The following MAPK6 variants were observed in gnomAD, a reference collection of about 807,000 sequenced individuals.
MAPK6 encodes the protein ERK-3.
In MAPK6, 19 loss-of-function variants were observed where a neutral mutation model predicts 59.3. That is an observed-to-expected ratio of 0.32 (90% CI 0.22 to 0.47). The LOEUF (loss-of-function observed/expected upper bound fraction) is 0.47, where lower values mean the gene tolerates loss of function less well. Ranked by LOEUF, MAPK6 falls within the 20% of genes least tolerant of loss-of-function variation. The pLI, the probability that MAPK6 is intolerant of heterozygous loss-of-function variation, is 1.00. For missense variants in MAPK6, 724 were observed against 847.9 expected (o/e 0.85, Z 1.81); for synonymous variants, 316 against 290.3 (o/e 1.09, Z -0.90).
intron 3 of MAPK6, among the ~76,000 whole-genome samples, chr15:52,006,876 C>T (rs966830040): frequency 6.6e-6 from 1 of 152,142 alleles, no homozygotes; most frequent in Admixed American, 6.6e-5. Flanking sequence ...AAGGTACAGA[C>T]AGTCCCTGCT....
intron 1 of MAPK6, among the ~76,000 whole-genome samples, chr15:51,981,269 C>T (rs1419223166): frequency 1.3e-5 from 2 of 151,716 alleles, no homozygotes; most frequent in Non-Finnish European, 2.9e-5. Context: ...GTCAGGAGAT[C>T]AAGACCATCC....
Position 52,046,808 on chromosome 15 carries a change from T to A in MAPK6, c.348T>A (p.Ala116=), listed in dbSNP as rs1566909572. ...AGGAGTACATGGAGACAGACTTGGC[T>A]AATGTGCTGGAGCAGGGCCCTTTAC... ...IVQEYMETDL[A]NVLEQGPLLE... is the part of the protein sequence containing the mutation. The change falls in exon 2 of 6, where the codon GCT becomes GCA. Residue 116 remains alanine (A), a synonymous_variant. Transcript: ENST00000261845. 2 of 1,613,944 alleles carry A rather than the reference T, an allele frequency of 1.2e-6. No homozygotes were observed. Among genetic ancestry groups the A allele is most frequent in the East Asian group, 4.5e-5 (2 of 44,884 alleles).
chr15:52,001,504 CCTTT>C (rs2057241735), intron 2 of MAPK6, among the ~76,000 whole-genome samples: 1 of 122,244 alleles, frequency 8.2e-6, no homozygotes, highest in African/African-American at 3.2e-5. Flanking sequence ...TTGTCCTTTT[CCTTT>C]CTTTTTTTTT....
At position 52,046,872 on chromosome 15, in the gene MAPK6, C is replaced by T. The variant is rs2031608105; in HGVS notation, c.412C>T (p.Arg138Trp). 3 of 1,613,846 alleles carry T rather than the reference C, an allele frequency of 1.9e-6. No homozygotes were observed. Among genetic ancestry groups the T allele is most frequent in the African/African-American group, 1.3e-5 (1 of 74,876 alleles). Residue 138 changes from arginine (R) to tryptophan (W), a missense_variant, in exon 2 of 6, where the codon CGG (arginine) becomes TGG (tryptophan). Physicochemically the swap from Arg to Trp is moderately radical, Grantham distance 101. Around this residue, in one of 4 missense-constraint regions of MAPK6, gnomAD observed 105 missense variants for 191.9 expected, o/e 0.55. Transcript: ENST00000261845. ...HARLFMYQLL[R>W]GLKYIHSANV... ...CAGGCTTTTCATGTATCAGCTGCTACGGGGGCTCAAGTATATTCACTCTGC... is the reference window on the plus strand; with the variant it reads ...CAGGCTTTTCATGTATCAGCTGCTATGGGGGCTCAAGTATATTCACTCTGC...
intron 4 of MAPK6, among the ~76,000 whole-genome samples, chr15:52,060,439 G>A (rs1363890984): frequency 6.6e-6 from 1 of 152,130 alleles, no homozygotes; most frequent in Non-Finnish European, 1.5e-5. Context: ...ATAAAGAGAA[G>A]GCCAGATAGC....
Position 51,997,921 on chromosome 15 carries a change from TTCTCTTTC to T in MAPK6, c.-769-6342_-769-6335del, listed in dbSNP as rs561854211. On this transcript the variant is annotated intron_variant, in intron 2 of 7. Coordinates refer to the MAPK6 transcript ENST00000691380. ...AAGTTATTTTCTTTCTTTTCTTTCTTTCTCTTTCTTTCTTTCTTTCTTTCTTTCTTTTT... is the reference window on the plus strand; with the variant it reads ...AAGTTATTTTCTTTCTTTTCTTTCTTTTTCTTTCTTTCTTTCTTTCTTTTT... Among the ~76,000 whole-genome samples the T allele has an allele frequency of 4.0e-3, 602 of 149,958 alleles. 6 individuals carry two copies. Among genetic ancestry groups the T allele is most frequent in the African/African-American group, 0.014 (576 of 40,566 alleles).
chr15:52,061,044 C>T (rs1358731890), intron 4 of MAPK6, among the ~76,000 whole-genome samples: 1 of 152,126 alleles, frequency 6.6e-6, no homozygotes, highest in Non-Finnish European at 1.5e-5. Context: ...CCACACTCAG[C>T]CAGAAAATCG....
chr15:52,023,461 G>C (rs535231307), intron 1 of MAPK6, among the ~76,000 whole-genome samples: 1 of 152,352 alleles, frequency 6.6e-6, no homozygotes, highest in East Asian at 1.9e-4. Flanking sequence ...TGTTACTGTA[G>C]TTAATGGCAT....
intron 3 of MAPK6, among the ~76,000 whole-genome samples, chr15:52,013,004 AAAAAAAAAAAAAAAAAATATATAT>A (rs1460810711): frequency 6.4e-4 from 12 of 18,758 alleles, no homozygotes; most frequent in Non-Finnish European, 8.3e-4. Flanking sequence ...AAAAAAAAAA[AAAAAAAAAAAAAAAAAATATATAT>A]ATATATATAT....
At chr15:52,016,153 C>G (rs1042446596), upstream of MAPK6, among the ~76,000 whole-genome samples, 11 of 148,456 alleles carry the variant, frequency 7.4e-5, no homozygotes, top group Non-Finnish European at 7.4e-5. Context: ...GTAATCCCAG[C>G]ACTTTGGGAG....
At chr15:52,017,671 G>GT (rs974560886), upstream of MAPK6, 5 of 152,246 alleles carry the variant, frequency 3.3e-5, no homozygotes, top group African/African-American at 1.2e-4. Context: ...TTATCCACAG[G>GT]AAGTCAGCAG....
chr15:51,988,045 C>T (rs8041281), intron 2 of MAPK6, among the ~76,000 whole-genome samples: 14,331 of 151,948 alleles, frequency 0.094, 1,903 homozygotes, highest in African/African-American at 0.29. Context: ...GGATTACAGG[C>T]GTGTGGCTCA....
intron 3 of MAPK6, among the ~76,000 whole-genome samples, chr15:52,050,849 T>C (rs903762130): frequency 6.6e-6 from 1 of 152,018 alleles, no homozygotes; most frequent in African/African-American, 2.4e-5. Flanking sequence ...GAATCTGAGA[T>C]TTGTGCAAGT....
At position 52,013,655 on chromosome 15, in the gene MAPK6, C is replaced by T. The variant is rs966436403; in HGVS notation, c.-632+9253C>T. ...CAATAACCATCTGAATATATTCTGT[C>T]TCTCTCATGAGATACAGTTTGGTTT... On this transcript the variant is annotated intron_variant, in intron 3 of 7. Transcript: ENST00000691380. Among the ~76,000 whole-genome samples, 109 of 152,082 alleles carry T rather than the reference C, an allele frequency of 7.2e-4. 1 individual carries two copies. The highest frequency in any genetic ancestry group is 2.6e-3 in the African/African-American group (108 of 41,418).
chr15:51,982,178 A>G (rs1368757004), intron 1 of MAPK6, among the ~76,000 whole-genome samples: 1 of 152,226 alleles, frequency 6.6e-6, no homozygotes, highest in African/African-American at 2.4e-5. Flanking sequence ...CTTTACAGCA[A>G]AACTGCTCTG....
intron 3 of MAPK6, among the ~76,000 whole-genome samples, chr15:52,004,896 T>C (rs1435211349): frequency 6.6e-6 from 1 of 152,144 alleles, no homozygotes; most frequent in Non-Finnish European, 1.5e-5. Flanking sequence ...CCACTCTGGA[T>C]TTTCCCTTCT....
chr15:52,035,327 G>C (rs1031788546), intron 1 of MAPK6, among the ~76,000 whole-genome samples: 13 of 152,144 alleles, frequency 8.5e-5, no homozygotes, highest in African/African-American at 3.1e-4. Context: ...CTTGCCCTCA[G>C]ACTTGGACAC....
intron 2 of MAPK6, among the ~76,000 whole-genome samples, chr15:51,999,243 C>T (rs1301164309): frequency 2.0e-5 from 3 of 151,826 alleles, no homozygotes; most frequent in South Asian, 4.2e-4. Context: ...AGTGGTCCAC[C>T]TGCCCTCAGC....
upstream of MAPK6, among the ~76,000 whole-genome samples, chr15:52,016,070 G>GCGCGCGCACACGCA: frequency 1.8e-5 from 1 of 55,392 alleles, no homozygotes; most frequent in African/African-American, 7.0e-5. Context: ...GCGCGCGCGC[G>GCGCGCGCACACGCA]CACACACACA....
Sources: gnomAD v4.1 joint callset for allele counts (sites outside exome capture counted in the v4.1 genomes callset) on GRCh38, gnomAD v4.1.1 for gene constraint, gnomAD v4.1.1 regional missense constraint, MANE v1.5 for transcripts, NCBI Gene and HGNC (gene_info 2026-07-23, HGNC 2026-07-21) for gene names.